The following SLC44A5 variants were observed in gnomAD, a reference collection of about 807,000 sequenced individuals.
The protein encoded by SLC44A5 is choline transporter-like protein 5.
Under a neutral mutation model 101.8 loss-of-function variants are expected in SLC44A5, and 57 were observed. That is an observed-to-expected ratio of 0.56 (90% CI 0.45 to 0.70). The LOEUF (loss-of-function observed/expected upper bound fraction) is 0.70. Among genes scored for constraint, SLC44A5 ranks in the 30% least tolerant of loss-of-function variants. SLC44A5 has a pLI of 0.00. For missense variants in SLC44A5, 737 were observed against 853.1 expected (o/e 0.86, Z 1.70); for synonymous variants, 281 against 290.9 (o/e 0.97, Z 0.35).
At chr1:75,358,259 A>T (rs1570765564) in intron 3 of SLC44A5, among the ~76,000 whole-genome samples, 1 of 152,190 alleles carries the variant, frequency 6.6e-6, no homozygotes, top group Admixed American at 6.5e-5. Context: ...CAGTGAATAC[A>T]TGGGGCACAG....
chr1:75,478,584 A>C (rs1040759750), intron 2 of SLC44A5, among the ~76,000 whole-genome samples: 28 of 152,076 alleles, frequency 1.8e-4, no homozygotes, highest in Admixed American at 3.3e-4. Flanking sequence ...AAAACAAAAA[A>C]AGGCAGGGGT....
the SLC44A5 span, among the ~76,000 whole-genome samples, chr1:75,720,700 G>A: frequency 3.3e-5 from 5 of 152,262 alleles, no homozygotes; most frequent in East Asian, 3.9e-4. Flanking sequence ...CATGGCCCAC[G>A]ACACAGTCCT....
In SLC44A5 at chr1:75,202,751, A is replaced by G. The variant is rs975045445; in HGVS notation, c.*976T>C. 4.6e-5 allele frequency: 7 copies of G among 152,272 alleles called. No homozygotes were observed. The highest frequency in any genetic ancestry group is 1.7e-4 in the African/African-American group (7 of 41,546). 9.4% of individuals were successfully genotyped at this position (152,272 alleles called of 1,614,324 possible). A position where few individuals can be genotyped will look rare whatever the true frequency, so the allele number is the denominator to read the frequency against. On this transcript the variant is annotated 3_prime_UTR_variant, in exon 24 of 24. Coordinates refer to ENST00000370859, the MANE Select transcript of SLC44A5 (RefSeq NM_001130058.2). Reference sequence around the variant, plus strand: ...AAAGTTTCCCTTTGCAATTCCTAGAAGTTTCTCTTTCTGATCTTTGTAAAA... The same window carrying G: ...AAAGTTTCCCTTTGCAATTCCTAGAGGTTTCTCTTTCTGATCTTTGTAAAA...
At chr1:75,257,532 A>G (rs1456618485) in intron 6 of SLC44A5, among the ~76,000 whole-genome samples, 8 of 152,154 alleles carry the variant, frequency 5.3e-5, no homozygotes, top group Non-Finnish European at 1.2e-4. Flanking sequence ...GGGAACCTAG[A>G]GAGGCTTTCC....
At chr1:75,624,997 G>T in the SLC44A5 span, among the ~76,000 whole-genome samples, 1 of 151,912 alleles carries the variant, frequency 6.6e-6, no homozygotes, top group Non-Finnish European at 1.5e-5. Flanking sequence ...ATTGACACAG[G>T]GCTTCTCTCA....
chr1:75,590,843 T>C (rs1237886366), intron 1 of SLC44A5, among the ~76,000 whole-genome samples: 1 of 152,142 alleles, frequency 6.6e-6, no homozygotes, highest in Non-Finnish European at 1.5e-5. Context: ...GACTCCCAGA[T>C]AGCACTTCTG....
intron 2 of SLC44A5, among the ~76,000 whole-genome samples, chr1:75,440,736 G>T (rs2040079): frequency 0.093 from 14,200 of 152,036 alleles, 839 homozygotes; most frequent in Admixed American, 0.19. Context: ...GGGTGGTAGT[G>T]TGCTTTAAGG....
intron 3 of SLC44A5, among the ~76,000 whole-genome samples, chr1:75,340,152 C>G (rs1657764473): frequency 6.6e-6 from 1 of 152,196 alleles, no homozygotes; most frequent in South Asian, 2.1e-4. Flanking sequence ...ATTATAAAAA[C>G]ATTTTTATTG....
At chr1:75,514,088 G>A (rs1019212319) in intron 2 of SLC44A5, among the ~76,000 whole-genome samples, 8 of 152,146 alleles carry the variant, frequency 5.3e-5, no homozygotes, top group African/African-American at 1.2e-4. Flanking sequence ...CAAGCAATTC[G>A]CCCTCTTCAT....
intron 1 of SLC44A5, among the ~76,000 whole-genome samples, chr1:75,579,826 T>TACACACACAC (rs6143284): frequency 4.7e-5 from 7 of 150,064 alleles, no homozygotes; most frequent in African/African-American, 1.5e-4. Context: ...TTCAACTATC[T>TACACACACAC]ACACACACAC....
chr1:75,264,670 G>T (rs1304824116), intron 6 of SLC44A5, among the ~76,000 whole-genome samples: 1 of 152,030 alleles, frequency 6.6e-6, no homozygotes, highest in Non-Finnish European at 1.5e-5. Flanking sequence ...ATTTATGGCA[G>T]TAATGACCTA....
At chr1:75,631,399 G>T in the SLC44A5 span, among the ~76,000 whole-genome samples, 1 of 151,876 alleles carries the variant, frequency 6.6e-6, no homozygotes, top group Admixed American at 6.6e-5. Flanking sequence ...TGGAGACAGG[G>T]TCTCACTCTG....
intron 4 of SLC44A5, among the ~76,000 whole-genome samples, chr1:75,315,920 TC>T (rs1655653258): frequency 6.6e-6 from 1 of 152,278 alleles, no homozygotes; most frequent in African/African-American, 2.4e-5. Flanking sequence ...TGATTCTCCA[TC>T]CTACAATGTT....
chr1:75,501,830 T>C (rs1233885842), intron 2 of SLC44A5, among the ~76,000 whole-genome samples: 1 of 152,182 alleles, frequency 6.6e-6, no homozygotes, highest in Non-Finnish European at 1.5e-5. Context: ...CAGATGCCAA[T>C]GAATAATGCC....
chr1:75,272,371 G>A (rs1451096682), intron 6 of SLC44A5, among the ~76,000 whole-genome samples: 2 of 149,528 alleles, frequency 1.3e-5, no homozygotes, highest in Non-Finnish European at 3.0e-5. Context: ...TTTCTCACAA[G>A]ATAGATATTG....
chr1:75,413,994 C>T (rs758690360), intron 2 of SLC44A5, among the ~76,000 whole-genome samples: 18 of 152,222 alleles, frequency 1.2e-4, no homozygotes, highest in South Asian at 2.1e-4. Flanking sequence ...ATTTTGCATA[C>T]GGACAATGGA....
intron 1 of SLC44A5, among the ~76,000 whole-genome samples, chr1:75,601,838 GA>G (rs1359906692): frequency 6.6e-6 from 1 of 152,010 alleles, no homozygotes; most frequent in African/African-American, 2.4e-5. Context: ...AATGATTCCT[GA>G]GACATTGGTC....
the SLC44A5 span, among the ~76,000 whole-genome samples, chr1:75,659,661 C>G: frequency 1.4e-5 from 2 of 147,690 alleles, no homozygotes; most frequent in Non-Finnish European, 3.0e-5. Flanking sequence ...TTAACTGAGC[C>G]TGGTAGCACG....
intron 2 of SLC44A5, among the ~76,000 whole-genome samples, chr1:75,535,629 C>G (rs563595632): frequency 6.6e-6 from 1 of 152,276 alleles, no homozygotes; most frequent in African/African-American, 2.4e-5. Context: ...TTTAGACAAA[C>G]AGGGTAGCCA....
Sources: allele counts gnomAD v4.1 joint callset (sites outside exome capture counted in the v4.1 genomes callset), GRCh38; gene constraint gnomAD v4.1.1; transcripts MANE v1.5; gene names NCBI Gene and HGNC (gene_info 2026-07-23, HGNC 2026-07-21).